DMD: variants seen among roughly 807,000 people sequenced by gnomAD.
DMD encodes the protein mutant dystrophin.
Under a neutral mutation model 330.1 loss-of-function variants are expected in DMD, and 63 were observed. The ratio of observed to expected loss-of-function variants is 0.19; its 90% CI spans 0.16 to 0.24. The LOEUF (loss-of-function observed/expected upper bound fraction) is 0.24, where lower values mean the gene tolerates loss of function less well. Among genes scored for constraint, DMD ranks in the 10% least tolerant of loss-of-function variants. The pLI, the probability that DMD is intolerant of heterozygous loss-of-function variation, is 1.00. For synonymous variants in DMD, 1,223 were observed against 959.8 expected (o/e 1.27, Z -5.07); for missense variants, 3,344 against 2,684.1 (o/e 1.25, Z -5.43).
chrX:31,370,288 C>G (rs773852802), intron 60 of DMD, among the ~76,000 whole-genome samples: 40 of 111,053 alleles, frequency 3.6e-4, no homozygotes, highest in Non-Finnish European at 6.6e-4. Flanking sequence ...TTTGAAAACC[C>G]TATACACAAG....
chrX:32,268,696 A>G (rs186274158), intron 43 of DMD, among the ~76,000 whole-genome samples: 4 of 112,162 alleles, frequency 3.6e-5, no homozygotes, highest in African/African-American at 1.3e-4. Flanking sequence ...TATTAATACC[A>G]GAATCAATCC....
intron 44 of DMD, among the ~76,000 whole-genome samples, chrX:32,020,349 T>G (rs2095797993): frequency 8.9e-6 from 1 of 112,352 alleles, no homozygotes; most frequent in Admixed American, 9.4e-5. Context: ...CCCAGTAAAG[T>G]AACATTAACT....
chrX:32,745,237 T>C (rs760649868), intron 7 of DMD, among the ~76,000 whole-genome samples: 2 of 112,195 alleles, frequency 1.8e-5, no homozygotes, highest in Admixed American at 9.5e-5. Context: ...ACAATGCTTT[T>C]TATAACTTCA....
intron 55 of DMD, among the ~76,000 whole-genome samples, chrX:31,576,750 T>C (rs913586812): frequency 9.2e-6 from 1 of 108,711 alleles, no homozygotes; most frequent in Non-Finnish European, 1.9e-5. Flanking sequence ...AGTAAAAATA[T>C]ATGAGGTTGT....
At chrX:31,293,163 GGT>G (rs762778210) in intron 62 of DMD, among the ~76,000 whole-genome samples, 1,822 of 70,327 alleles carry the variant, frequency 0.026, 101 homozygotes, top group African/African-American at 0.13. Flanking sequence ...CCCCCAACCC[GGT>G]GTGTGTGTGT....
intron 48 of DMD, among the ~76,000 whole-genome samples, chrX:31,842,831 C>T (rs372765304): frequency 1.4e-4 from 16 of 111,300 alleles, no homozygotes; most frequent in African/African-American, 4.6e-4. Flanking sequence ...TGAGATAGTG[C>T]GCACCGTATC....
At chrX:32,676,260 G>A (rs1458536659) in intron 9 of DMD, among the ~76,000 whole-genome samples, 2 of 111,183 alleles carry the variant, frequency 1.8e-5, no homozygotes, top group African/African-American at 6.5e-5. Flanking sequence ...TTCACTACCT[G>A]TTCTGGGAAT....
At chrX:33,072,060 A>T (rs751448533) in intron 1 of DMD, among the ~76,000 whole-genome samples, 43 of 112,233 alleles carry the variant, frequency 3.8e-4, no homozygotes, top group Non-Finnish European at 6.8e-4. Context: ...GTGATTTTTC[A>T]ATGTATCAAA....
At chrX:31,332,055 T>G (rs2057156516) in intron 61 of DMD, among the ~76,000 whole-genome samples, 1 of 112,414 alleles carries the variant, frequency 8.9e-6, no homozygotes, top group Non-Finnish European at 1.9e-5. Context: ...CATGGCCTCA[T>G]GGTGAGCGCA....
At chrX:32,164,058 T>A (rs1670617881) in intron 44 of DMD, among the ~76,000 whole-genome samples, 1 of 111,620 alleles carries the variant, frequency 9.0e-6, no homozygotes, top group African/African-American at 3.3e-5. Flanking sequence ...CATAGAGGTC[T>A]GCCCAGAGTG....
intron 43 of DMD, among the ~76,000 whole-genome samples, chrX:32,259,413 A>G (rs923808557): frequency 3.1e-4 from 35 of 111,430 alleles, no homozygotes; most frequent in Non-Finnish European, 1.3e-4. Flanking sequence ...CCTATATTGT[A>G]TAATTTACTT....
In DMD at chrX:32,468,575, A is replaced by C; in HGVS notation, c.3085T>G (p.Trp1029Gly). ...ACCAGCTGGGAGGAGAGCTTCTTCC[A>C]GCGTCCCTCAATTTCTTCAAATTCT... ...QSEFEEIEGR[W>G]KKLSSQLVEH... is the part of the protein sequence containing the mutation. Residue 1029 changes from tryptophan (W) to glycine (G), a missense_variant, in exon 23 of 79, where the codon TGG becomes GGG. Trp to Gly is a radical substitution (Grantham distance 184). Coordinates refer to ENST00000357033, the MANE Select transcript of DMD (RefSeq NM_004006.3). 1 of 1,210,929 alleles carries C rather than the reference A, an allele frequency of 8.3e-7. No individual in the cohort carries two copies. The highest frequency in any genetic ancestry group is 1.1e-6 in the Non-Finnish European group (1 of 895,113).
At chrX:33,037,105 G>C (rs1320714221) in intron 1 of DMD, among the ~76,000 whole-genome samples, 2 of 111,562 alleles carry the variant, frequency 1.8e-5, no homozygotes, top group Non-Finnish European at 3.8e-5. Context: ...TTAATCCTTA[G>C]AATAAACGTA....
chrX:32,604,172 G>C (rs983629719), intron 12 of DMD, among the ~76,000 whole-genome samples: 1 of 110,373 alleles, frequency 9.1e-6, no homozygotes, highest in Non-Finnish European at 1.9e-5. Flanking sequence ...CTTTATGCCA[G>C]GTAGGCAGGG....
At chrX:31,768,227 T>C (rs1030090473) in intron 51 of DMD, among the ~76,000 whole-genome samples, 8 of 111,043 alleles carry the variant, frequency 7.2e-5, no homozygotes, top group Non-Finnish European at 1.3e-4. Context: ...TTATGAAAAA[T>C]AATATCATAT....
intron 63 of DMD, among the ~76,000 whole-genome samples, chrX:31,227,453 T>G (rs1209101960): frequency 1.8e-5 from 2 of 111,711 alleles, no homozygotes; most frequent in Non-Finnish European, 3.8e-5. Context: ...TGAATAAGCC[T>G]TCTGCTACCA....
At chrX:33,102,015 C>T (rs1394571152) in intron 1 of DMD, among the ~76,000 whole-genome samples, 2 of 111,757 alleles carry the variant, frequency 1.8e-5, no homozygotes, top group Admixed American at 9.6e-5. Context: ...TTCAAGTTGA[C>T]GTTATAAGTT....
intron 43 of DMD, among the ~76,000 whole-genome samples, chrX:32,264,557 G>A (rs755589010): frequency 8.9e-6 from 1 of 111,852 alleles, no homozygotes; most frequent in Admixed American, 9.5e-5. Context: ...AGAATTGGAG[G>A]GGTCAGAAGA....
intron 44 of DMD, among the ~76,000 whole-genome samples, chrX:32,004,619 C>T (rs1339043954): frequency 9.0e-6 from 1 of 111,456 alleles, no homozygotes; most frequent in Non-Finnish European, 1.9e-5. Flanking sequence ...TAAGGATGAA[C>T]ATGTCCATCA....
Sources: gnomAD v4.1 joint callset for allele counts (sites outside exome capture counted in the v4.1 genomes callset) on GRCh38, gnomAD v4.1.1 for gene constraint, MANE v1.5 for transcripts, NCBI Gene and HGNC (gene_info 2026-07-23, HGNC 2026-07-21) for gene names.